SIL1: variants seen among roughly 807,000 people sequenced by gnomAD.
SIL1 encodes the protein nucleotide exchange factor SIL1.
In SIL1, 40 loss-of-function variants were observed where a neutral mutation model predicts 49.1. That is an observed-to-expected ratio of 0.81 (90% confidence interval 0.63 to 1.06). The LOEUF (loss-of-function observed/expected upper bound fraction) is 1.06, where lower values mean the gene tolerates loss of function less well. Ranked by LOEUF, SIL1 falls within the 50% of genes least tolerant of loss-of-function variation. SIL1 has a pLI of 0.00. For missense variants in SIL1, 500 were observed against 572.6 expected (o/e 0.87, Z 1.29); for synonymous variants, 253 against 250.8 (o/e 1.01, Z -0.08).
intron 3 of SIL1, among the ~76,000 whole-genome samples, chr5:139,064,336 A>T (rs1351150518): frequency 1.3e-5 from 2 of 152,202 alleles, no homozygotes; most frequent in Non-Finnish European, 2.9e-5. Context: ...GGGACTCCAC[A>T]TCATTCTATT....
At chr5:139,103,962 C>A (rs1770647661) in intron 3 of SIL1, among the ~76,000 whole-genome samples, 2 of 152,168 alleles carry the variant, frequency 1.3e-5, no homozygotes, top group Admixed American at 6.5e-5. Context: ...GGAAGGAGAG[C>A]CCACAAAGGC....
intron 2 of SIL1, among the ~76,000 whole-genome samples, chr5:139,121,486 C>T (rs890504324): frequency 9.2e-5 from 14 of 152,226 alleles, no homozygotes; most frequent in African/African-American, 3.1e-4. Flanking sequence ...GCTGGCAAAA[C>T]GAAACAATAA....
intron 7 of SIL1, among the ~76,000 whole-genome samples, chr5:138,952,890 G>A (rs1766815048): frequency 6.6e-6 from 1 of 152,364 alleles, no homozygotes; most frequent in African/African-American, 2.4e-5. Flanking sequence ...TTTCAAGATT[G>A]CATTAGGGAT....
Position 138,948,411 on chromosome 5 carries a change from C to T in SIL1, c.1030-938G>A, listed in dbSNP as rs1313760079. ...CTCCACCTTTGTCCCTTGTGTCCTG[C>T]GATCCAGTGCCTCCTGCTCTCACCC... On this transcript the variant is annotated intron_variant, in intron 9 of 9. Transcript: ENST00000394817. This position sits in a 1 kb window ranked among gnomAD's most constrained non-coding sequence, Gnocchi z 4.8. Among the ~76,000 whole-genome samples, 2 of 152,178 alleles carry T rather than the reference C, an allele frequency of 1.3e-5. No individual in the cohort carries two copies. Among genetic ancestry groups the T allele is most frequent in the Admixed American group, 6.5e-5 (1 of 15,278 alleles).
At chr5:139,183,931 T>A (rs1037374415) in intron 1 of SIL1, among the ~76,000 whole-genome samples, 1 of 152,250 alleles carries the variant, frequency 6.6e-6, no homozygotes, top group African/African-American at 2.4e-5. Context: ...TAAAAAGATT[T>A]GTAACCTGGA....
At chr5:139,152,257 C>T (rs1751314382) in intron 1 of SIL1, among the ~76,000 whole-genome samples, 1 of 152,186 alleles carries the variant, frequency 6.6e-6, no homozygotes, top group South Asian at 2.1e-4. Flanking sequence ...TTTAATGCAA[C>T]GTCAAAGTAT....
At chr5:139,138,146 C>T (rs62381248) in intron 1 of SIL1, among the ~76,000 whole-genome samples, 5 of 36,084 alleles carry the variant, frequency 1.4e-4, no homozygotes, top group African/African-American at 2.4e-4. Flanking sequence ...CACACATATA[C>T]ACACACACAC....
intron 3 of SIL1, among the ~76,000 whole-genome samples, chr5:139,092,136 A>C (rs774385516): frequency 2.6e-5 from 4 of 152,230 alleles, no homozygotes; most frequent in Non-Finnish European, 5.9e-5. Context: ...GGCAGGCTGC[A>C]TCGCTGGTAC....
chr5:139,059,334 A>G (rs1386800782), intron 3 of SIL1, among the ~76,000 whole-genome samples: 1 of 152,168 alleles, frequency 6.6e-6, no homozygotes, highest in Non-Finnish European at 1.5e-5. Context: ...CCATGTAAAG[A>G]CATGACTTTG....
chr5:139,110,405 C>T (rs1379645323), intron 3 of SIL1, among the ~76,000 whole-genome samples: 1 of 152,102 alleles, frequency 6.6e-6, no homozygotes, highest in Non-Finnish European at 1.5e-5. Context: ...AATCTGAAGA[C>T]TTTTAATCCA....
rs115471793 is a variant in SIL1, at chr5:138,979,669, A to C, written c.768-27785T>G. ...CCAGCACAAGTCACCATACCCGGCT[A>C]ATTCATATTTTTTAATGAATGTATG... On this transcript the variant is annotated intron_variant, in intron 7 of 9. Transcript: ENST00000394817. Among the ~76,000 whole-genome samples the C allele has an allele frequency of 2.8e-3, 431 of 152,264 alleles. 1 individual carries two copies. Among genetic ancestry groups the C allele is most frequent in the African/African-American group, 1.0e-2 (415 of 41,548 alleles).
At chr5:139,037,874 T>C (rs1768953738) in intron 5 of SIL1, among the ~76,000 whole-genome samples, 1 of 152,244 alleles carries the variant, frequency 6.6e-6, no homozygotes, top group Admixed American at 6.5e-5. Flanking sequence ...CAAAATATCA[T>C]ATACTGGGCA....
chr5:139,068,079 T>A (rs1769745805), intron 3 of SIL1, among the ~76,000 whole-genome samples: 1 of 152,222 alleles, frequency 6.6e-6, no homozygotes, highest in Admixed American at 6.5e-5. Context: ...ATAAGTTGCA[T>A]ATATATGATT....
chr5:138,962,518 G>A (rs1054568116), intron 7 of SIL1, among the ~76,000 whole-genome samples: 10 of 152,176 alleles, frequency 6.6e-5, no homozygotes, highest in South Asian at 4.1e-4. Context: ...GGATTGTTGC[G>A]GGGATGAAAT....
intron 3 of SIL1, among the ~76,000 whole-genome samples, chr5:139,090,607 T>C (rs566007738): frequency 1.3e-5 from 2 of 152,186 alleles, no homozygotes; most frequent in African/African-American, 2.4e-5. Flanking sequence ...ATCTCAAATC[T>C]ATAGGGAAAG....
At chr5:139,032,874 T>C (rs1179152379) in intron 5 of SIL1, 1 of 152,252 alleles carries the variant, frequency 6.6e-6, no homozygotes, top group Non-Finnish European at 1.5e-5. Flanking sequence ...CTTACTGTAT[T>C]TTCCTTTTAA....
At chr5:139,011,123 G>A (rs1768255736) in intron 7 of SIL1, among the ~76,000 whole-genome samples, 1 of 151,342 alleles carries the variant, frequency 6.6e-6, no homozygotes, top group Non-Finnish European at 1.5e-5. Context: ...AGATTCCGTG[G>A]GTGTAGGACC....
chr5:139,010,048 T>G (rs1466950119), intron 7 of SIL1, among the ~76,000 whole-genome samples: 2 of 149,748 alleles, frequency 1.3e-5, no homozygotes, highest in Non-Finnish European at 3.0e-5. Context: ...GATAATATCC[T>G]GCAGAGTGTT....
intron 1 of SIL1, among the ~76,000 whole-genome samples, chr5:139,159,066 G>A (rs1433324985): frequency 7.3e-5 from 11 of 151,460 alleles, no homozygotes; most frequent in Non-Finnish European, 1.6e-4. Context: ...GGCTACAGGG[G>A]ACAAGGGGAA....
Sources: allele counts gnomAD v4.1 joint callset (sites outside exome capture counted in the v4.1 genomes callset), GRCh38; gene constraint gnomAD v4.1.1; non-coding constraint Gnocchi (gnomAD v3.1); transcripts MANE v1.5; gene names NCBI Gene and HGNC (gene_info 2026-07-23, HGNC 2026-07-21).